Variants in PGR observed in about 807,000 individuals in gnomAD.
PGR encodes nuclear receptor subfamily 3 group C member 3.
Under a neutral mutation model 76.1 loss-of-function variants are expected in PGR, and 25 were observed. The ratio of observed to expected loss-of-function variants is 0.33; its 90% CI spans 0.24 to 0.46. PGR has a LOEUF of 0.46. Among genes scored for constraint, PGR ranks in the 20% least tolerant of loss-of-function variants. The probability of loss-of-function intolerance (pLI) is 1.00; values close to 1 mark genes in which losing one functional copy is unlikely to be tolerated. For synonymous variants in PGR, 579 were observed against 535.0 expected (o/e 1.08, Z -1.14); for missense variants, 1,172 against 1,225.3 (o/e 0.96, Z 0.65).
At chr11:101,090,992 A>G (rs374178793) in intron 3 of PGR, among the ~76,000 whole-genome samples, 8 of 152,346 alleles carry the variant, frequency 5.3e-5, no homozygotes, top group African/African-American at 1.9e-4. Flanking sequence ...ACAATTATGT[A>G]ATATTTTTAT....
chr11:101,089,193 T>TTA (rs1565352613), intron 3 of PGR, among the ~76,000 whole-genome samples: 1 of 151,894 alleles, frequency 6.6e-6, no homozygotes, highest in Admixed American at 6.6e-5. Context: ...GCTGAAAAAA[T>TTA]AAATAGAGCT....
At chr11:101,122,994 A>G (rs1464514184) in intron 2 of PGR, among the ~76,000 whole-genome samples, 2 of 151,936 alleles carry the variant, frequency 1.3e-5, no homozygotes, top group South Asian at 2.1e-4. Flanking sequence ...TTTTCTTCTA[A>G]CCCTCTATTG....
chr11:101,082,158 G>A (rs987026745), intron 3 of PGR, among the ~76,000 whole-genome samples: 15 of 151,980 alleles, frequency 9.9e-5, no homozygotes, highest in African/African-American at 3.6e-4. Context: ...CTCTGCCCTG[G>A]TAAGACGTGC....
intron 4 of PGR, among the ~76,000 whole-genome samples, chr11:101,059,209 T>C (rs995592810): frequency 6.6e-6 from 1 of 152,042 alleles, no homozygotes; most frequent in Non-Finnish European, 1.5e-5. Flanking sequence ...ACTGACATTT[T>C]TGTCTCTGAA....
At chr11:101,118,893 T>A (rs945562150) in intron 2 of PGR, among the ~76,000 whole-genome samples, 1 of 152,190 alleles carries the variant, frequency 6.6e-6, no homozygotes, top group African/African-American at 2.4e-5. Context: ...TGTTCTTAAA[T>A]GACAATGGAG....
At chr11:101,062,950 T>C in intron 3 of PGR, 198 bp from the exon 4 acceptor site, 3 of 476,484 alleles carry the variant, frequency 6.3e-6, no homozygotes, top group Non-Finnish European at 1.1e-5. Flanking sequence ...TAAAAAAAAT[T>C]TAGGCCTCAG....
intron 2 of PGR, among the ~76,000 whole-genome samples, chr11:101,113,704 G>T (rs1862415175): frequency 6.6e-6 from 1 of 152,146 alleles, no homozygotes; most frequent in African/African-American, 2.4e-5. Flanking sequence ...GTAGCTGGAG[G>T]TAATTAAAAC....
At chr11:101,066,066 C>A (rs1305431996) in intron 3 of PGR, among the ~76,000 whole-genome samples, 2 of 152,156 alleles carry the variant, frequency 1.3e-5, no homozygotes, top group African/African-American at 4.8e-5. Context: ...TCTCTGAAAT[C>A]ATTTGCCCTC....
intron 7 of PGR, among the ~76,000 whole-genome samples, chr11:101,041,019 A>C (rs1859677424): frequency 6.8e-6 from 1 of 146,510 alleles, no homozygotes; most frequent in African/African-American, 2.4e-5. Flanking sequence ...TTAATTATCC[A>C]AAAGTATTTT....
chr11:101,030,225 C>A lies in PGR; in HGVS notation c.*8891G>T, dbSNP rs374157625. The A allele has an allele frequency of 5.8e-5, 13 of 222,854 alleles. No homozygotes were observed. The South Asian group carries it at 7.4e-4, about 13-fold the overall frequency. 13.8% of individuals were successfully genotyped at this position (222,854 alleles called of 1,614,324 possible). On this transcript the variant is annotated 3_prime_UTR_variant, in exon 8 of 8. Coordinates refer to ENST00000325455, the MANE Select transcript of PGR (RefSeq NM_000926.4). ...CCCTGCATCTCTTGCCAAGTATTAA[C>A]ACTAGTTTTACTAATAAGCAACGGG...
chr11:101,108,227 G>A (rs1477891288), intron 2 of PGR, among the ~76,000 whole-genome samples: 5 of 145,516 alleles, frequency 3.4e-5, no homozygotes, highest in African/African-American at 5.2e-5. Flanking sequence ...ACACTCCTGG[G>A]AGACAGAATG....
Position 101,042,548 on chromosome 11 carries a change from T to C in PGR, c.2489-446A>G, listed in dbSNP as rs776592143. ...CTTCTTTATATAAATCTCAAGTATT[T>C]GCCATTAAGATTATTCCTAGATGAT... is the stretch of plus-strand genomic sequence containing the variant. On this transcript the variant is annotated intron_variant, in intron 6 of 7. Coordinates refer to ENST00000325455, the MANE Select transcript of PGR (RefSeq NM_000926.4). 2.0e-5 allele frequency among the ~76,000 whole-genome samples: 3 copies of C among 152,214 alleles called. 1 individual carries two copies. The highest frequency in any genetic ancestry group is 4.4e-5 in the Non-Finnish European group (3 of 68,036).
At chr11:101,092,478 A>G (rs1397826650) in intron 2 of PGR, among the ~76,000 whole-genome samples, 18 of 152,342 alleles carry the variant, frequency 1.2e-4, no homozygotes. Context: ...AATACCTTGA[A>G]CAGAAATAAT....
At chr11:101,062,380 A>G in intron 4 of PGR, 67 bp downstream of exon 4, 1 of 1,181,500 alleles carries the variant, frequency 8.5e-7, no homozygotes, top group Non-Finnish European at 1.3e-6. Context: ...GTTTTATTTA[A>G]CAATGTACTA....
At position 101,062,733 on chromosome 11, in the gene PGR, G is replaced by C; in HGVS notation, c.1926C>G (p.Phe642Leu). 4 of 1,611,004 alleles carry C rather than the reference G, an allele frequency of 2.5e-6. No homozygotes were observed. The highest frequency in any genetic ancestry group is 2.5e-6 in the Non-Finnish European group (3 of 1,179,184). ...MVLGGRKFKK[F>L]NKVRVVRALD... ...GTGCTCTCACAACTCTGACTTTATT[G>C]AACTTTTTAAATTTTCGACCTACAG... is the stretch of plus-strand genomic sequence containing the variant. Residue 642 changes from phenylalanine (F) to leucine (L), a missense_variant, in exon 4 of 8, where the codon TTC becomes TTG. Phe to Leu is a conservative substitution (Grantham distance 22). This residue lies in a region of PGR where 73 missense variants were observed against 60.7 expected (regional missense o/e 1.20). Transcript: ENST00000325455.
At chr11:101,123,720 T>A (rs1473096856) in intron 2 of PGR, among the ~76,000 whole-genome samples, 2 of 152,218 alleles carry the variant, frequency 1.3e-5, no homozygotes, top group Non-Finnish European at 2.9e-5. Context: ...AGAATATACA[T>A]ATTTCAACCC....
intron 3 of PGR, among the ~76,000 whole-genome samples, chr11:101,068,558 C>G (rs1247471724): frequency 6.6e-6 from 1 of 152,114 alleles, no homozygotes; most frequent in East Asian, 1.9e-4. Context: ...CCTGTATAGC[C>G]AAGACATCCT....
In PGR at chr11:101,127,977, G is replaced by A. The variant is rs763790579; in HGVS notation, c.1094C>T (p.Pro365Leu). The A allele has an allele frequency of 1.2e-6, 2 of 1,611,942 alleles. No homozygotes were observed. The highest frequency in any genetic ancestry group is 2.7e-5 in the African/African-American group (2 of 74,912). The change falls in exon 1 of 8, where the codon CCC becomes CTC. Residue 365 changes from proline (P) to leucine (L), a missense_variant. Coordinates refer to ENST00000325455, the MANE Select transcript of PGR (RefSeq NM_000926.4). Reference protein sequence around the residue: ...VGDFPDCAYPPDAEPKDDAYP... With the variant: ...VGDFPDCAYPLDAEPKDDAYP... ...CGCGTCGTCCTTGGGCTCGGCGTCG[G>A]GCGGGTACGCGCAGTCGGGGAAGTC...
intron 3 of PGR, among the ~76,000 whole-genome samples, chr11:101,085,372 A>G (rs1861457828): frequency 6.6e-6 from 1 of 152,044 alleles, no homozygotes; most frequent in South Asian, 2.1e-4. Flanking sequence ...AGAAATAAAA[A>G]AAAATTAAAA....
Sources: gnomAD v4.1 joint callset for allele counts (sites outside exome capture counted in the v4.1 genomes callset) on GRCh38, gnomAD v4.1.1 for gene constraint, gnomAD v4.1.1 regional missense constraint, MANE v1.5 for transcripts, NCBI Gene and HGNC (gene_info 2026-07-23, HGNC 2026-07-21) for gene names.